DNAJC1: variants seen among roughly 807,000 people sequenced by gnomAD.
DNAJC1 encodes the protein DnaJ heat shock protein family (Hsp40) member C1.
DNAJC1 carries 58 observed loss-of-function variants against 76.6 expected under a neutral mutation model. That is an observed-to-expected ratio of 0.76 (90% CI 0.61 to 0.94). The LOEUF (loss-of-function observed/expected upper bound fraction) is 0.94, where lower values mean the gene tolerates loss of function less well. DNAJC1 is among the 40% of genes least tolerant of loss of function. The probability of loss-of-function intolerance (pLI) is 0.00; values close to 1 mark genes in which losing one functional copy is unlikely to be tolerated. For synonymous variants in DNAJC1, 258 were observed against 267.9 expected (o/e 0.96, Z 0.36); for missense variants, 689 against 677.3 (o/e 1.02, Z -0.19).
At chr10:21,919,535 G>A (rs2059072611) in intron 5 of DNAJC1, among the ~76,000 whole-genome samples, 1 of 151,978 alleles carries the variant, frequency 6.6e-6, no homozygotes, top group Admixed American at 6.6e-5. Flanking sequence ...TGAGCTAAGT[G>A]ATAGGTCCGT....
chr10:21,939,415 A>C (rs1390805482), intron 1 of DNAJC1, among the ~76,000 whole-genome samples: 3 of 152,338 alleles, frequency 2.0e-5, no homozygotes, highest in East Asian at 3.9e-4. Flanking sequence ...AATACAGTCA[A>C]TGCAGTGCAT....
chr10:21,793,860 G>A (rs1217820556), intron 9 of DNAJC1, among the ~76,000 whole-genome samples: 1 of 152,112 alleles, frequency 6.6e-6, no homozygotes, highest in Non-Finnish European at 1.5e-5. Context: ...GGCTGAAGTG[G>A]GCAGATTGCT....
At chr10:21,765,688 T>C (rs543958226) in intron 10 of DNAJC1, among the ~76,000 whole-genome samples, 2 of 152,004 alleles carry the variant, frequency 1.3e-5, no homozygotes, top group Non-Finnish European at 2.9e-5. Context: ...CTACTAAAAA[T>C]ACAAAAATCT....
rs531028378 is a variant in DNAJC1, at chr10:21,947,829, C to G, written c.223-18688G>C. ...CTGCTTATTATTTCCTGATCATTATCCCTCAGGAAGTGTTTCATAGTTCTT... is the reference window on the plus strand; with the variant it reads ...CTGCTTATTATTTCCTGATCATTATGCCTCAGGAAGTGTTTCATAGTTCTT... On this transcript the variant is annotated intron_variant, in intron 1 of 11. Transcript: ENST00000376980. Among the ~76,000 whole-genome samples, 11 of 152,182 alleles carry G rather than the reference C, an allele frequency of 7.2e-5. No individual in the cohort carries two copies. In the South Asian group the frequency reaches 2.3e-3, roughly 32 times the overall value.
intron 1 of DNAJC1, among the ~76,000 whole-genome samples, chr10:21,987,497 G>T (rs1434049813): frequency 6.6e-6 from 1 of 152,138 alleles, no homozygotes; most frequent in Admixed American, 6.5e-5. Context: ...TTCTTGGTCA[G>T]GATAACATGG....
At chr10:21,934,054 G>A (rs368782085) in intron 1 of DNAJC1, among the ~76,000 whole-genome samples, 1 of 152,010 alleles carries the variant, frequency 6.6e-6, no homozygotes, top group Non-Finnish European at 1.5e-5. Flanking sequence ...CCTTCAGGAG[G>A]TATTTCAGAA....
chr10:21,937,297 T>C (rs1406875816), intron 1 of DNAJC1, among the ~76,000 whole-genome samples: 3 of 152,088 alleles, frequency 2.0e-5, no homozygotes, highest in African/African-American at 7.2e-5. Flanking sequence ...TTGCAAACAG[T>C]AATTAAAAGA....
At chr10:21,864,164 C>T (rs1309227831) in intron 8 of DNAJC1, among the ~76,000 whole-genome samples, 1 of 152,086 alleles carries the variant, frequency 6.6e-6, no homozygotes, top group Non-Finnish European at 1.5e-5. Flanking sequence ...GCAGAGATTG[C>T]AGTGAAGCAA....
intron 11 of DNAJC1, among the ~76,000 whole-genome samples, chr10:21,758,288 GC>G (rs991264920): frequency 1.4e-4 from 22 of 152,196 alleles, no homozygotes; most frequent in African/African-American, 4.6e-4. Context: ...AGAGATCGGG[GC>G]TTTTGATTCT....
intron 10 of DNAJC1, among the ~76,000 whole-genome samples, chr10:21,762,942 T>C (rs1834258470): frequency 6.6e-6 from 1 of 152,232 alleles, no homozygotes; most frequent in African/African-American, 2.4e-5. Context: ...TTGTTTTTTT[T>C]GTTTTTTGAG....
At chr10:21,902,566 A>G (rs1186071367) in intron 7 of DNAJC1, among the ~76,000 whole-genome samples, 8 of 152,198 alleles carry the variant, frequency 5.3e-5, no homozygotes, top group Admixed American at 4.6e-4. Context: ...TGGCCTCCCA[A>G]AATGCTGGGA....
chr10:21,816,029 C>A (rs1377457093), intron 8 of DNAJC1, among the ~76,000 whole-genome samples: 2 of 151,628 alleles, frequency 1.3e-5, no homozygotes, highest in East Asian at 3.9e-4. Context: ...CAGGCATGAG[C>A]CACCGCGCCC....
intron 1 of DNAJC1, among the ~76,000 whole-genome samples, chr10:21,929,541 T>G (rs1837186967): frequency 6.6e-6 from 1 of 152,212 alleles, no homozygotes; most frequent in African/African-American, 2.4e-5. Context: ...AAAGCCAATT[T>G]CTGAATCCCG....
chr10:21,921,228 A>G (rs1325048709), intron 3 of DNAJC1, among the ~76,000 whole-genome samples: 1 of 151,952 alleles, frequency 6.6e-6, no homozygotes, highest in Admixed American at 6.6e-5. Context: ...TGACTCCTGG[A>G]GTGACATCTA....
chr10:21,922,708 A>C (rs1171334379), intron 3 of DNAJC1, among the ~76,000 whole-genome samples: 1 of 152,048 alleles, frequency 6.6e-6, no homozygotes, highest in South Asian at 2.1e-4. Context: ...GTGCTCTAAC[A>C]TAAGATTACA....
intron 4 of DNAJC1, 45 bp downstream of exon 4, chr10:21,920,753 T>A: frequency 6.6e-7 from 1 of 1,522,444 alleles, no homozygotes; most frequent in Non-Finnish European, 8.8e-7. Context: ...AAATTCCATA[T>A]AAAATTAAGG....
chr10:21,915,904 A>C (rs989820899), intron 6 of DNAJC1, among the ~76,000 whole-genome samples: 5 of 151,916 alleles, frequency 3.3e-5, no homozygotes, highest in Non-Finnish European at 7.4e-5. Flanking sequence ...GCTACTTGGA[A>C]GGCTGAGGTG....
At chr10:21,853,787 CAAA>C (rs1011936425) in intron 8 of DNAJC1, among the ~76,000 whole-genome samples, 4 of 12,602 alleles carry the variant, frequency 3.2e-4, no homozygotes, top group African/African-American at 6.6e-4. Context: ...GACTCCATCT[CAAA>C]AAAAAAAAAA....
At chr10:21,945,198 G>C (rs914598828) in intron 1 of DNAJC1, among the ~76,000 whole-genome samples, 16 of 152,126 alleles carry the variant, frequency 1.1e-4, no homozygotes, top group African/African-American at 3.6e-4. Flanking sequence ...GCTGATGTCA[G>C]GTAAAATGAA....
Sources: allele counts gnomAD v4.1 joint callset (sites outside exome capture counted in the v4.1 genomes callset), GRCh38; gene constraint gnomAD v4.1.1; transcripts MANE v1.5; gene names NCBI Gene and HGNC (gene_info 2026-07-23, HGNC 2026-07-21).